P2RY8: variants seen among roughly 807,000 people sequenced by gnomAD.
The protein encoded by P2RY8 is S-geranylgeranyl-glutathione receptor P2RY8.
P2RY8 carries 6 observed loss-of-function variants against 10.0 expected under a neutral mutation model. The observed-to-expected ratio is 0.60, with a 90% CI of 0.33 to 1.19. P2RY8 has a LOEUF of 1.19. Among genes scored for constraint, P2RY8 ranks in the 50% most tolerant of loss-of-function variants. The probability of loss-of-function intolerance (pLI) is 0.04; values close to 1 mark genes in which losing one functional copy is unlikely to be tolerated. For missense variants in P2RY8, 456 were observed against 542.0 expected (o/e 0.84, Z 1.58); for synonymous variants, 276 against 252.5 (o/e 1.09, Z -0.88).
At chrX:1,536,463 T>G (rs1417013678) in intron 1 of P2RY8, among the ~76,000 whole-genome samples, 2 of 152,014 alleles carry the variant, frequency 1.3e-5, no homozygotes, top group Admixed American at 6.6e-5. Flanking sequence ...GGTTTCACCG[T>G]GTTAGCCAGG....
At chrX:1,506,803 G>A (rs1312527685) in intron 1 of P2RY8, among the ~76,000 whole-genome samples, 2 of 151,480 alleles carry the variant, frequency 1.3e-5, no homozygotes, top group South Asian at 2.1e-4. Flanking sequence ...TCAGCCTCCC[G>A]AGTACCTGGG....
chrX:1,536,593 C>T (rs1276902641), intron 1 of P2RY8, among the ~76,000 whole-genome samples: 5 of 152,138 alleles, frequency 3.3e-5, no homozygotes, highest in Non-Finnish European at 5.9e-5. Flanking sequence ...GACGGGGTTT[C>T]ACCGTGTTAG....
rs1173238447 is a variant in P2RY8, at chrX:1,465,563, G to C, written c.996C>G (p.Ser332=). The C allele has an allele frequency of 3.1e-6, 5 of 1,612,702 alleles. 1 individual carries two copies. Among genetic ancestry groups the C allele is most frequent in the Admixed American group, 1.7e-5 (1 of 60,002 alleles). ...GGTGCGCACCGGCCTCGGAGCGCACGGACGTGGTCCTGGCGGAGAAGAGGC... is the reference window on the plus strand; with the variant it reads ...GGTGCGCACCGGCCTCGGAGCGCACCGACGTGGTCCTGGCGGAGAAGAGGC... ...RESLFSARTT[S]VRSEAGAHPE... is the part of the protein sequence containing the mutation. The change falls in exon 2 of 2, where the codon TCC becomes TCG. Residue 332 remains serine (S), a synonymous_variant. Coordinates refer to ENST00000381297, the MANE Select transcript of P2RY8 (RefSeq NM_178129.5).
intron 1 of P2RY8, among the ~76,000 whole-genome samples, chrX:1,472,589 G>A (rs2091802735): frequency 9.4e-6 from 1 of 106,432 alleles, no homozygotes; most frequent in South Asian, 3.9e-4. Context: ...GTGGGTGGAT[G>A]GCTGGATCAG....
chrX:1,478,949 C>T (rs1238019531), intron 1 of P2RY8, among the ~76,000 whole-genome samples: 3 of 152,070 alleles, frequency 2.0e-5, no homozygotes, highest in Middle Eastern at 3.2e-3. Context: ...CTAATAAAAC[C>T]GGGGTTGATA....
rs1890155499 is a variant in P2RY8 at position 1,463,207 on chromosome X, C to T, written c.*2272G>A. On this transcript the variant is annotated 3_prime_UTR_variant, in exon 2 of 2. Transcript: ENST00000381297. ...CCATGAGACACACCCAAGGCCCACG[C>T]TCAGCACTTGCGACCTGTACTCCTG... The T allele has an allele frequency of 4.3e-6, 1 of 233,134 alleles. No individual in the cohort carries two copies. The highest frequency in any genetic ancestry group is 2.2e-5 in the African/African-American group (1 of 45,332). 14.4% of individuals were successfully genotyped at this position (233,134 alleles called of 1,614,324 possible). A position where few individuals can be genotyped will look rare whatever the true frequency, so the allele number is the denominator to read the frequency against.
chrX:1,466,650 T>A, intron 1 of P2RY8, 68 bp from the exon 2 acceptor site: 1 of 1,451,562 alleles, frequency 6.9e-7, no homozygotes, highest in Non-Finnish European at 9.2e-7. Flanking sequence ...CCGGGAGGGC[T>A]CCTGAGCGCC....
rs751378481 is a variant in P2RY8 at position 1,466,274 on chromosome X, A to C, written c.285T>G (p.Leu95=). The change falls in exon 2 of 2, where the codon CTT becomes CTG. Residue 95 remains leucine, a synonymous_variant. Coordinates refer to ENST00000381297, the MANE Select transcript of P2RY8 (RefSeq NM_178129.5). ...NRHHWVFGVL[L]CNVVTVAFYA... ...AAAAGGCCACGGTCACCACGTTGCA[A>C]AGCAGCACCCCGAATACCCAGTGGT... 5.6e-6 allele frequency: 9 copies of C among 1,613,790 alleles called. No homozygotes were observed. In the East Asian group the frequency reaches 1.8e-4, roughly 32 times the overall value.
chrX:1,506,682 C>T (rs2092236285), intron 1 of P2RY8, among the ~76,000 whole-genome samples: 1 of 145,118 alleles, frequency 6.9e-6, no homozygotes. Flanking sequence ...TTCTTTCTTT[C>T]TTTTTTTTTT....
intron 1 of P2RY8, among the ~76,000 whole-genome samples, chrX:1,524,227 TAC>T (rs2149411202): frequency 6.6e-6 from 1 of 152,188 alleles, no homozygotes; most frequent in South Asian, 2.1e-4. Context: ...TGTCCCTTTG[TAC>T]ACAGTAGGCT....
chrX:1,469,156 C>T (rs1268908833), intron 1 of P2RY8, among the ~76,000 whole-genome samples: 1 of 118,746 alleles, frequency 8.4e-6, no homozygotes, highest in African/African-American at 3.6e-5. Flanking sequence ...TCCCTCTCTC[C>T]TCTCCTTTCC....
intron 1 of P2RY8, among the ~76,000 whole-genome samples, chrX:1,532,261 G>GACACACACACAA (rs1407384740): frequency 3.3e-5 from 5 of 150,954 alleles, no homozygotes; most frequent in Admixed American, 1.3e-4. Context: ...TGCCGGCACT[G>GACACACACACAA]ACACACACAC....
chrX:1,497,801 G>A (rs2092132247), intron 1 of P2RY8, among the ~76,000 whole-genome samples: 1 of 152,100 alleles, frequency 6.6e-6, no homozygotes, highest in African/African-American at 2.4e-5. Context: ...GGTTTGGGGT[G>A]CAGTGGGGCG....
At chrX:1,521,806 C>A (rs150337757) in intron 1 of P2RY8, among the ~76,000 whole-genome samples, 353 of 152,052 alleles carry the variant, frequency 2.3e-3, no homozygotes, top group African/African-American at 8.0e-3. Context: ...TTCCGGTGAG[C>A]GTGACGGACA....
chrX:1,528,461 G>T (rs753473751), intron 1 of P2RY8, among the ~76,000 whole-genome samples: 152 of 152,358 alleles, frequency 1.0e-3, no homozygotes, highest in African/African-American at 3.6e-3. Context: ...TCAGCACCGT[G>T]TGAACTCAAA....
At chrX:1,534,310 G>A in intron 1 of P2RY8, among the ~76,000 whole-genome samples, 1 of 148,636 alleles carries the variant, frequency 6.7e-6, no homozygotes, top group Non-Finnish European at 1.5e-5. Context: ...AGGTGTATCT[G>A]TTGCTTTATC....
intron 1 of P2RY8, among the ~76,000 whole-genome samples, chrX:1,527,100 G>A (rs2092444531): frequency 6.6e-6 from 1 of 152,084 alleles, no homozygotes; most frequent in Non-Finnish European, 1.5e-5. Flanking sequence ...TCACCACGCT[G>A]GCCAGGCTGG....
chrX:1,507,629 G>A (rs1476664501), intron 1 of P2RY8, among the ~76,000 whole-genome samples: 41 of 152,174 alleles, frequency 2.7e-4, no homozygotes, highest in African/African-American at 8.7e-4. Context: ...CACAGCACCC[G>A]GCGGAGTCCC....
At chrX:1,509,704 C>T (rs111162433) in intron 1 of P2RY8, among the ~76,000 whole-genome samples, 23,577 of 109,110 alleles carry the variant, frequency 0.22, 2,286 homozygotes, top group Middle Eastern at 0.34. Flanking sequence ...ATCCATCCAT[C>T]CATTTATTCT....
Sources: gnomAD v4.1 joint callset for allele counts (sites outside exome capture counted in the v4.1 genomes callset) on GRCh38, gnomAD v4.1.1 for gene constraint, MANE v1.5 for transcripts, NCBI Gene and HGNC (gene_info 2026-07-23, HGNC 2026-07-21) for gene names.